The following RPS6KA6 variants were observed in gnomAD, a reference collection of about 807,000 sequenced individuals.
The protein encoded by RPS6KA6 is ribosomal protein S6 kinase A6, also known as ribosomal protein S6 kinase alpha-6.
RPS6KA6 carries 27 observed loss-of-function variants against 65.4 expected under a neutral mutation model. The ratio of observed to expected loss-of-function variants is 0.41; its 90% CI spans 0.30 to 0.57. RPS6KA6 has a LOEUF of 0.57. Ranked by LOEUF, RPS6KA6 falls within the 20% of genes least tolerant of loss-of-function variation. The pLI is 0.24. For missense variants in RPS6KA6, 486 were observed against 555.6 expected (o/e 0.87, Z 1.26); for synonymous variants, 190 against 184.2 (o/e 1.03, Z -0.26).
chrX:84,173,355 T>C (rs1010021704), intron 1 of RPS6KA6, among the ~76,000 whole-genome samples: 5 of 111,127 alleles, frequency 4.5e-5, no homozygotes, highest in African/African-American at 1.6e-4. Context: ...TTGAAAAGTT[T>C]ATTAAGCTTT....
chrX:84,139,121 C>T (rs186573979), intron 6 of RPS6KA6, among the ~76,000 whole-genome samples: 24 of 111,425 alleles, frequency 2.2e-4, no homozygotes, highest in African/African-American at 7.8e-4. Flanking sequence ...TTTTGGGTAA[C>T]GCATTTAAAA....
intron 20 of RPS6KA6, among the ~76,000 whole-genome samples, chrX:84,079,955 A>G (rs756188824): frequency 8.9e-6 from 1 of 112,157 alleles, no homozygotes; most frequent in South Asian, 3.7e-4. Context: ...TGGATCTCCC[A>G]GCGCAGCGCT....
At chrX:84,077,317 G>GA (rs1314231797) in intron 20 of RPS6KA6, among the ~76,000 whole-genome samples, 1 of 110,696 alleles carries the variant, frequency 9.0e-6, no homozygotes, top group Non-Finnish European at 1.9e-5. Context: ...AAAAAACTCT[G>GA]AAAAAGAAAA....
chrX:84,102,995 A>T (rs1432834494), intron 17 of RPS6KA6, among the ~76,000 whole-genome samples: 4 of 111,490 alleles, frequency 3.6e-5, no homozygotes, highest in Non-Finnish European at 7.6e-5. Flanking sequence ...AACAAAAACC[A>T]GAGCTGCTGG....
chrX:84,176,340 G>A (rs761202853), intron 1 of RPS6KA6, among the ~76,000 whole-genome samples: 9 of 111,597 alleles, frequency 8.1e-5, no homozygotes, highest in Non-Finnish European at 1.7e-4. Flanking sequence ...GTATTCATGT[G>A]GTATAAATGA....
chrX:84,135,425 G>C (rs893039684), intron 6 of RPS6KA6, among the ~76,000 whole-genome samples: 1 of 110,777 alleles, frequency 9.0e-6, no homozygotes, highest in African/African-American at 3.3e-5. Flanking sequence ...GTGTCTCTTC[G>C]ATATTAACCA....
chrX:84,187,974 G>GCCC lies in RPS6KA6; in HGVS notation c.-78_-76dup. ...GCCGCGCATCCTGTCTATTGAACTGGCCCGCCGCCGCCGCCGCCGCCGCCG... is the reference window on the plus strand; with the variant it reads ...GCCGCGCATCCTGTCTATTGAACTGGCCCCCCGCCGCCGCCGCCGCCGCCGCCG... On this transcript the variant is annotated 5_prime_UTR_variant, in exon 1 of 22. Coordinates refer to ENST00000262752, the MANE Select transcript of RPS6KA6 (RefSeq NM_014496.5). The GCCC allele has an allele frequency of 1.3e-6, 1 of 793,985 alleles. No individual in the cohort carries two copies. The highest frequency in any genetic ancestry group is 2.3e-5 in the African/African-American group (1 of 43,768). The allele number at this position is 793,985 out of a possible 1,213,427, so 65.4% of individuals were successfully genotyped here.
At chrX:84,066,761 G>C (rs1428814960) in intron 20 of RPS6KA6, among the ~76,000 whole-genome samples, 1 of 111,919 alleles carries the variant, frequency 8.9e-6, no homozygotes, top group African/African-American at 3.2e-5. Context: ...CCAGCACAGT[G>C]CTCTAGCTCT....
chrX:84,069,210 A>C (rs773592323), intron 20 of RPS6KA6, among the ~76,000 whole-genome samples: 33 of 111,873 alleles, frequency 2.9e-4, no homozygotes, highest in Non-Finnish European at 4.9e-4. Context: ...TGGTACCAAA[A>C]CCAATATATA....
In RPS6KA6 at chrX:84,117,465, CAAACA is replaced by C. The variant is rs778822899; in HGVS notation, c.790-16_790-12del. The C allele has an allele frequency of 6.9e-5, 75 of 1,094,509 alleles. No individual in the cohort carries two copies. The African/African-American group carries it at 1.0e-3, about 15-fold the overall frequency. 90.2% of individuals were successfully genotyped at this position (1,094,509 alleles called of 1,213,427 possible). ...AGTAAGCATTTCAAACTAAAACAAA[CAAACA>C]AAACACACCACACAATTAGAACACC... is the stretch of plus-strand genomic sequence containing the variant. On this transcript the variant is annotated splice_polypyrimidine_tract_variant and intron_variant, in intron 9 of 21. Coordinates refer to ENST00000262752, the MANE Select transcript of RPS6KA6 (RefSeq NM_014496.5).
rs183520814 is a variant in RPS6KA6 at position 84,071,022 on chromosome X, T to G, written c.1972-5911A>C. 3.6e-5 allele frequency among the ~76,000 whole-genome samples: 4 copies of G among 111,521 alleles called. No individual in the cohort carries two copies. In the Admixed American group the frequency reaches 3.8e-4, roughly 11 times the overall value. Reference sequence around the variant, plus strand: ...TAGTGGGAAACAATCAGGTTAGCATTGTGATTGCTTCAGCTTACCAACCTG... The same window carrying G: ...TAGTGGGAAACAATCAGGTTAGCATGGTGATTGCTTCAGCTTACCAACCTG... On this transcript the variant is annotated intron_variant, in intron 20 of 21. Coordinates refer to ENST00000262752, the MANE Select transcript of RPS6KA6 (RefSeq NM_014496.5).
intron 1 of RPS6KA6, among the ~76,000 whole-genome samples, chrX:84,165,495 T>C (rs2035583222): frequency 9.0e-6 from 1 of 111,415 alleles, no homozygotes; most frequent in Admixed American, 9.6e-5. Context: ...TACCTTTATC[T>C]CCTGAATTTG....
chrX:84,090,882 C>A (rs1449842200), intron 20 of RPS6KA6, among the ~76,000 whole-genome samples: 1 of 111,924 alleles, frequency 8.9e-6, no homozygotes, highest in Non-Finnish European at 1.9e-5. Context: ...ACAATAATAG[C>A]TTTCCTTCGA....
At chrX:84,154,699 C>A (rs936595413) in intron 3 of RPS6KA6, among the ~76,000 whole-genome samples, 3 of 110,464 alleles carry the variant, frequency 2.7e-5, no homozygotes, top group South Asian at 3.9e-4. Context: ...ATTAACAGTT[C>A]CTTCTAGTTT....
chrX:84,125,911 A>G (rs2034774141), intron 8 of RPS6KA6, among the ~76,000 whole-genome samples: 1 of 111,249 alleles, frequency 9.0e-6, no homozygotes, highest in Non-Finnish European at 1.9e-5. Context: ...CACCACAGAA[A>G]ATCACCTTCA....
chrX:84,170,434 AG>A (rs1310900043), intron 1 of RPS6KA6, among the ~76,000 whole-genome samples: 2 of 110,007 alleles, frequency 1.8e-5, no homozygotes, highest in Non-Finnish European at 3.8e-5. Context: ...GTTCGACACC[AG>A]CCTGGCCAAC....
At chrX:84,169,875 T>TA (rs1031718497) in intron 1 of RPS6KA6, among the ~76,000 whole-genome samples, 6 of 109,705 alleles carry the variant, frequency 5.5e-5, no homozygotes, top group Admixed American at 1.9e-4. Context: ...ATCAACCTAG[T>TA]AAAAAAAAAT....
Position 84,059,777 on chromosome X carries a change from A to G in RPS6KA6, c.*4500T>C, listed in dbSNP as rs748410094. The G allele has an allele frequency of 5.4e-5, 6 of 112,122 alleles. No homozygotes were observed. Among genetic ancestry groups the G allele is most frequent in the South Asian group, 3.7e-4 (1 of 2,723 alleles). 9.2% of individuals were successfully genotyped at this position (112,122 alleles called of 1,213,427 possible). On this transcript the variant is annotated 3_prime_UTR_variant, in exon 22 of 22. Transcript: ENST00000262752. ...ACAGAAGCTCTATTGTCCAGCGTTTAGAAATGTGAATACAAAGCAAACCCT... is the reference window on the plus strand; with the variant it reads ...ACAGAAGCTCTATTGTCCAGCGTTTGGAAATGTGAATACAAAGCAAACCCT...
chrX:84,124,597 T>C, intron 8 of RPS6KA6, among the ~76,000 whole-genome samples: 1 of 108,551 alleles, frequency 9.2e-6, no homozygotes, highest in East Asian at 2.9e-4. Flanking sequence ...GACAAGCTAT[T>C]TGAAAATACA....
Sources: allele counts gnomAD v4.1 joint callset (sites outside exome capture counted in the v4.1 genomes callset), GRCh38; gene constraint gnomAD v4.1.1; transcripts MANE v1.5; gene names NCBI Gene and HGNC (gene_info 2026-07-23, HGNC 2026-07-21).